SESTD1: variants seen among roughly 807,000 people sequenced by gnomAD.
The protein encoded by SESTD1 is SEC14 and spectrin domain containing 1, also known as SEC14 domain and spectrin repeat-containing protein 1.
Under a neutral mutation model 101.7 loss-of-function variants are expected in SESTD1, and 43 were observed. The ratio of observed to expected loss-of-function variants is 0.42; its 90% CI spans 0.33 to 0.55. The LOEUF (loss-of-function observed/expected upper bound fraction) is 0.55. Among genes scored for constraint, SESTD1 ranks in the 20% least tolerant of loss-of-function variants. The probability of loss-of-function intolerance (pLI) is 0.07; values close to 1 mark genes in which losing one functional copy is unlikely to be tolerated. For synonymous variants in SESTD1, 283 were observed against 286.8 expected (o/e 0.99, Z 0.13); for missense variants, 647 against 815.1 (o/e 0.79, Z 2.51).
At chr2:179,118,416 G>A (rs986907488) in intron 13 of SESTD1, among the ~76,000 whole-genome samples, 1 of 151,990 alleles carries the variant, frequency 6.6e-6, no homozygotes, top group Non-Finnish European at 1.5e-5. Flanking sequence ...ATGAAATTCT[G>A]CGTACTGCAG....
Position 179,115,261 on chromosome 2 carries a change from A to AAAAG in SESTD1, c.1648-9_1648-6dup. The AAAAG allele has an allele frequency of 6.4e-7, 1 of 1,565,260 alleles. No individual in the cohort carries two copies. Among genetic ancestry groups the AAAAG allele is most frequent in the Non-Finnish European group, 8.6e-7 (1 of 1,161,574 alleles). On this transcript the variant is annotated splice_polypyrimidine_tract_variant and splice_region_variant and intron_variant, in intron 15 of 17. Transcript: ENST00000428443. ...CCTGCCATAGTCATAAGTGCTCTAA[A>AAAAG]AAAGAAAAGGAAACATAAAATTGTA...
chr2:179,117,419 G>A (rs966647088), intron 14 of SESTD1, 113 bp downstream of exon 14: 3 of 864,720 alleles, frequency 3.5e-6, no homozygotes, highest in South Asian at 1.8e-5. Context: ...ACTAGAACCT[G>A]ACTTCAAGAA....
chr2:179,262,345 T>C (rs1420046279), intron 1 of SESTD1, among the ~76,000 whole-genome samples: 1 of 152,212 alleles, frequency 6.6e-6, no homozygotes, highest in African/African-American at 2.4e-5. Context: ...GTGAATTCTA[T>C]GGCATATGAA....
chr2:179,223,142 C>T (rs943217460), intron 1 of SESTD1, among the ~76,000 whole-genome samples: 2 of 151,794 alleles, frequency 1.3e-5, no homozygotes, highest in African/African-American at 2.4e-5. Context: ...TACGATATAA[C>T]GAGGATAAAC....
At chr2:179,199,335 T>G (rs1006064443) in intron 1 of SESTD1, among the ~76,000 whole-genome samples, 4 of 151,402 alleles carry the variant, frequency 2.6e-5, no homozygotes, top group Non-Finnish European at 5.9e-5. Flanking sequence ...CCAAAAAGAG[T>G]CCAGGACCAG....
intron 1 of SESTD1, among the ~76,000 whole-genome samples, chr2:179,206,588 T>C (rs1487699737): frequency 7.4e-6 from 1 of 134,610 alleles, no homozygotes; most frequent in Non-Finnish European, 1.6e-5. Context: ...GCTGGTGAAA[T>C]TGGGGGAAGG....
chr2:179,111,187 T>A (rs147746203), intron 17 of SESTD1, among the ~76,000 whole-genome samples: 19 of 152,368 alleles, frequency 1.2e-4, no homozygotes, highest in African/African-American at 4.3e-4. Context: ...TTATTGCAGA[T>A]GTGTAATACA....
At chr2:179,191,989 TTC>T in intron 1 of SESTD1, 123 bp from the exon 2 acceptor site, 1 of 692,220 alleles carries the variant, frequency 1.4e-6, no homozygotes, top group Non-Finnish European at 2.5e-6. Flanking sequence ...AGCAAGATAA[TTC>T]TTTTTTTGTA....
intron 1 of SESTD1, among the ~76,000 whole-genome samples, chr2:179,202,780 G>A (rs974410419): frequency 7.4e-6 from 1 of 134,938 alleles, no homozygotes; most frequent in Non-Finnish European, 1.6e-5. Context: ...CTACCTTCAC[G>A]AATCTCTCCT....
intron 1 of SESTD1, among the ~76,000 whole-genome samples, chr2:179,237,114 G>T (rs2047080158): frequency 1.3e-5 from 2 of 151,656 alleles, no homozygotes; most frequent in Non-Finnish European, 1.5e-5. Flanking sequence ...AGGGACAAAT[G>T]AAATTATTTT....
In SESTD1 at chr2:179,106,342, G is replaced by A. The variant is rs1159846384; in HGVS notation, c.*3557C>T. 1 of 152,098 alleles carries A rather than the reference G, an allele frequency of 6.6e-6. No homozygotes were observed. The highest frequency in any genetic ancestry group is 2.4e-5 in the African/African-American group (1 of 41,408). 9.4% of individuals were successfully genotyped at this position (152,098 alleles called of 1,614,324 possible). On this transcript the variant is annotated 3_prime_UTR_variant, in exon 18 of 18. Coordinates refer to ENST00000428443, the MANE Select transcript of SESTD1 (RefSeq NM_178123.5). Reference sequence around the variant, plus strand: ...TTTTACTACGGCCTTGTGTACTTTGGGTAGGATGTGAGAAGGGGAGTAGTA... The same window carrying A: ...TTTTACTACGGCCTTGTGTACTTTGAGTAGGATGTGAGAAGGGGAGTAGTA...
intron 5 of SESTD1, among the ~76,000 whole-genome samples, chr2:179,164,835 G>A (rs2045807088): frequency 6.6e-6 from 1 of 152,186 alleles, no homozygotes; most frequent in South Asian, 2.1e-4. Context: ...GATGAGCATT[G>A]TGGACAGCTG....
At chr2:179,136,089 C>G (rs17454192) in intron 9 of SESTD1, among the ~76,000 whole-genome samples, 8,457 of 152,230 alleles carry the variant, frequency 0.056, 299 homozygotes, top group South Asian at 0.09. Context: ...AAAGAAAGCC[C>G]TAGCCATGAT....
chr2:179,227,908 T>C (rs2046913754), intron 1 of SESTD1, among the ~76,000 whole-genome samples: 1 of 152,178 alleles, frequency 6.6e-6, no homozygotes, highest in Non-Finnish European at 1.5e-5. Context: ...CACCCTGGCT[T>C]CAGTACCTTA....
At chr2:179,157,529 ATGAT>A in intron 5 of SESTD1, among the ~76,000 whole-genome samples, 2 of 152,250 alleles carry the variant, frequency 1.3e-5, no homozygotes, top group East Asian at 3.9e-4. Flanking sequence ...GAATCATAGG[ATGAT>A]TTATTTCATA....
At chr2:179,127,492 A>G (rs902558498) in intron 10 of SESTD1, among the ~76,000 whole-genome samples, 8 of 152,244 alleles carry the variant, frequency 5.3e-5, no homozygotes, top group African/African-American at 1.9e-4. Flanking sequence ...AGATTTACTG[A>G]CATTACATTA....
rs571065030 is a variant in SESTD1, at chr2:179,103,974, C to G, written c.*5925G>C. 4 of 152,096 alleles carry G rather than the reference C, an allele frequency of 2.6e-5. No individual in the cohort carries two copies. Among genetic ancestry groups the G allele is most frequent in the Non-Finnish European group, 5.9e-5 (4 of 67,992 alleles). The allele number at this position is 152,096 out of a possible 1,614,324, so 9.4% of individuals were successfully genotyped here. A position where few individuals can be genotyped will look rare whatever the true frequency, so the allele number is the denominator to read the frequency against. On this transcript the variant is annotated 3_prime_UTR_variant, in exon 18 of 18. Transcript: ENST00000428443. ...AATGATGAATGGATATGTGACAAAG[C>G]AAGCATAGGTAATGCTAATTAGCAT...
chr2:179,167,727 G>C (rs146175062), intron 5 of SESTD1, among the ~76,000 whole-genome samples: 3 of 152,218 alleles, frequency 2.0e-5, no homozygotes, highest in African/African-American at 7.2e-5. Flanking sequence ...AGAAGGCAAA[G>C]GCAATGAGAC....
chr2:179,173,418 A>G (rs2045958432), intron 4 of SESTD1, among the ~76,000 whole-genome samples: 1 of 152,184 alleles, frequency 6.6e-6, no homozygotes, highest in Admixed American at 6.5e-5. Flanking sequence ...CAGGTACCTT[A>G]TCTATCTTGT....
Sources: allele counts gnomAD v4.1 joint callset (sites outside exome capture counted in the v4.1 genomes callset), GRCh38; gene constraint gnomAD v4.1.1; transcripts MANE v1.5; gene names NCBI Gene and HGNC (gene_info 2026-07-23, HGNC 2026-07-21).